Variants in NPAS3 observed in about 807,000 individuals in gnomAD.
The protein encoded by NPAS3 is neuronal PAS domain-containing protein 3.
A neutral mutation model predicts 73.1 loss-of-function variants in NPAS3; 14 were observed. The observed-to-expected ratio is 0.19, with a 90% CI of 0.13 to 0.30. NPAS3 has a LOEUF of 0.30. NPAS3 is among the 10% of genes least tolerant of loss of function. NPAS3 has a pLI of 1.00. For missense variants in NPAS3, 1,096 were observed against 1,250.0 expected (o/e 0.88, Z 1.86); for synonymous variants, 620 against 541.5 (o/e 1.14, Z -2.01).
intron 7 of NPAS3, among the ~76,000 whole-genome samples, chr14:33,747,381 A>T (rs905845074): frequency 1.3e-5 from 2 of 152,238 alleles, no homozygotes; most frequent in African/African-American, 4.8e-5. Context: ...CATTCTAAGT[A>T]AAAGAAGAGA....
intron 1 of NPAS3, among the ~76,000 whole-genome samples, chr14:33,032,674 C>T: frequency 6.6e-6 from 1 of 152,192 alleles, no homozygotes; most frequent in East Asian, 1.9e-4. Flanking sequence ...TCCCAGAGTT[C>T]CTTGGCAGGA....
chr14:33,457,986 G>C (rs920092603), intron 4 of NPAS3, among the ~76,000 whole-genome samples: 2 of 152,150 alleles, frequency 1.3e-5, no homozygotes, highest in Non-Finnish European at 2.9e-5. Flanking sequence ...GTTCCCAAAG[G>C]CTCACTGGTT....
intron 4 of NPAS3, among the ~76,000 whole-genome samples, chr14:33,391,064 G>A (rs1320194679): frequency 6.6e-6 from 1 of 151,892 alleles, no homozygotes; most frequent in Admixed American, 6.6e-5. Flanking sequence ...TGTCCATCAA[G>A]GTAACAATAA....
At chr14:32,969,172 C>A (rs1467121440) in intron 1 of NPAS3, among the ~76,000 whole-genome samples, 1 of 152,138 alleles carries the variant, frequency 6.6e-6, no homozygotes, top group Non-Finnish European at 1.5e-5. Flanking sequence ...TAGGCCACAC[C>A]AGAGGCTGCC....
intron 5 of NPAS3, among the ~76,000 whole-genome samples, chr14:33,579,947 CTGTTT>C (rs1231328329): frequency 1.3e-5 from 2 of 152,098 alleles, no homozygotes; most frequent in Non-Finnish European, 1.5e-5. Context: ...TAAAGTTCTT[CTGTTT>C]TATTTCAGAC....
chr14:33,296,426 C>T (rs912306668), intron 3 of NPAS3, among the ~76,000 whole-genome samples: 1 of 152,204 alleles, frequency 6.6e-6, no homozygotes, highest in Non-Finnish European at 1.5e-5. Flanking sequence ...CAGATTCTTC[C>T]ATGCCTATCT....
At chr14:33,155,603 T>C (rs1283763945) in intron 2 of NPAS3, among the ~76,000 whole-genome samples, 1 of 152,214 alleles carries the variant, frequency 6.6e-6, no homozygotes, top group Non-Finnish European at 1.5e-5. Flanking sequence ...TGCTAGTTGC[T>C]TAAGAGATAT....
At chr14:33,131,612 T>C (rs2043637238) in intron 2 of NPAS3, among the ~76,000 whole-genome samples, 1 of 152,152 alleles carries the variant, frequency 6.6e-6, no homozygotes, top group Non-Finnish European at 1.5e-5. Flanking sequence ...TTTTTTGTCA[T>C]CTAATAATCC....
At chr14:33,302,709 T>G (rs994525473) in intron 3 of NPAS3, among the ~76,000 whole-genome samples, 2 of 152,212 alleles carry the variant, frequency 1.3e-5, no homozygotes, top group African/African-American at 4.8e-5. Context: ...ACATAACTCC[T>G]ACTAGTGGTA....
At chr14:33,739,149 A>T (rs1051117574) in intron 7 of NPAS3, among the ~76,000 whole-genome samples, 16 of 152,290 alleles carry the variant, frequency 1.1e-4, no homozygotes, top group Middle Eastern at 3.4e-3. Flanking sequence ...TGTTTATATA[A>T]TGCTCGGAGT....
At chr14:32,946,042 G>T (rs894260117) in intron 1 of NPAS3, among the ~76,000 whole-genome samples, 7 of 152,230 alleles carry the variant, frequency 4.6e-5, no homozygotes, top group Middle Eastern at 3.4e-3. Context: ...TTTTGCCACT[G>T]GTTGTGTAAA....
chr14:33,531,054 C>A (rs915902091), intron 4 of NPAS3, among the ~76,000 whole-genome samples: 1 of 151,944 alleles, frequency 6.6e-6, no homozygotes, highest in Non-Finnish European at 1.5e-5. Flanking sequence ...TTGTTTTGTT[C>A]TGTTTTGTTC....
At chr14:33,600,719 T>C (rs1206987084) in intron 5 of NPAS3, among the ~76,000 whole-genome samples, 2 of 152,202 alleles carry the variant, frequency 1.3e-5, no homozygotes, top group Admixed American at 1.3e-4. Context: ...TTCATACTCT[T>C]TGTCCTCAAA....
At chr14:33,011,031 G>A (rs1168307117) in intron 1 of NPAS3, among the ~76,000 whole-genome samples, 1 of 151,582 alleles carries the variant, frequency 6.6e-6, no homozygotes, top group East Asian at 1.9e-4. Context: ...TGAAACTTTT[G>A]TTGAATTTGT....
At chr14:33,406,421 G>T (rs1308989064) in intron 4 of NPAS3, among the ~76,000 whole-genome samples, 2 of 152,092 alleles carry the variant, frequency 1.3e-5, no homozygotes, top group Non-Finnish European at 2.9e-5. Context: ...ACCCCCAAAA[G>T]AGTCAGAAAT....
chr14:33,715,247 T>C (rs1210655900), intron 6 of NPAS3, among the ~76,000 whole-genome samples: 2 of 152,212 alleles, frequency 1.3e-5, no homozygotes, highest in Non-Finnish European at 2.9e-5. Context: ...CTCATTCTGA[T>C]ATTTATATGA....
chr14:33,312,209 A>G (rs529412645), intron 3 of NPAS3, among the ~76,000 whole-genome samples: 22 of 151,708 alleles, frequency 1.5e-4, no homozygotes, highest in African/African-American at 5.3e-4. Context: ...ATTACTTACT[A>G]TGGATATTGC....
At chr14:33,555,518 T>C (rs932537459) in intron 4 of NPAS3, among the ~76,000 whole-genome samples, 2 of 152,078 alleles carry the variant, frequency 1.3e-5, no homozygotes, top group South Asian at 4.2e-4. Flanking sequence ...ATTCAAAATT[T>C]AAAAAAAATT....
chr14:33,642,200 T>A (rs1350273814), intron 5 of NPAS3, among the ~76,000 whole-genome samples: 1 of 152,216 alleles, frequency 6.6e-6, no homozygotes, highest in Non-Finnish European at 1.5e-5. Context: ...TCTTTTCACA[T>A]CATCCTTTTG....
Sources: gnomAD v4.1 joint callset for allele counts (sites outside exome capture counted in the v4.1 genomes callset) on GRCh38, gnomAD v4.1.1 for gene constraint, MANE v1.5 for transcripts, NCBI Gene and HGNC (gene_info 2026-07-23, HGNC 2026-07-21) for gene names.